Variants in POLD3 observed in about 807,000 individuals in gnomAD.
POLD3 encodes DNA polymerase delta 3, accessory subunit, also known as DNA polymerase delta subunit 3.
POLD3 carries 19 observed loss-of-function variants against 58.2 expected under a neutral mutation model. The ratio of observed to expected loss-of-function variants is 0.33; its 90% CI spans 0.23 to 0.48. The LOEUF (loss-of-function observed/expected upper bound fraction) is 0.48, where lower values mean the gene tolerates loss of function less well. Ranked by LOEUF, POLD3 falls within the 20% of genes least tolerant of loss-of-function variation. The pLI, the probability that POLD3 is intolerant of heterozygous loss-of-function variation, is 0.99. For synonymous variants in POLD3, 172 were observed against 193.5 expected, an observed-to-expected ratio of 0.89 and a Z score of 0.92; for missense variants, 504 against 545.5, an observed-to-expected ratio of 0.92 and a Z score of 0.76.
chr11:74,617,073 C>G (rs542648019), intron 5 of POLD3, among the ~76,000 whole-genome samples: 31 of 152,228 alleles, frequency 2.0e-4, no homozygotes, highest in African/African-American at 7.5e-4. Context: ...ATAAGCAAGA[C>G]TGGGAAAAAT....
intron 11 of POLD3, among the ~76,000 whole-genome samples, chr11:74,639,710 G>A (rs2032858600): frequency 6.6e-6 from 1 of 152,240 alleles, no homozygotes; most frequent in African/African-American, 2.4e-5. Context: ...GTCCTTTGGG[G>A]CTTGCTCATA....
At position 74,655,088 on chromosome 11, in the gene POLD3, G is replaced by A. The variant is rs186576624; in HGVS notation, c.370-13689G>A. ...CCAACAGAAAGGAAATGCCGAGGCAGACTTGTGAACTGCCTGAATTTTTAT... is the reference window on the plus strand; with the variant it reads ...CCAACAGAAAGGAAATGCCGAGGCAAACTTGTGAACTGCCTGAATTTTTAT... On this transcript the variant is annotated intron_variant, in intron 4 of 4. Coordinates refer to the POLD3 transcript ENST00000524752. Among the ~76,000 whole-genome samples, 145 of 152,360 alleles carry A rather than the reference G, an allele frequency of 9.5e-4. 1 individual carries two copies. The highest frequency in any genetic ancestry group is 3.3e-3 in the African/African-American group (138 of 41,578).
chr11:74,610,032 CGGTCAAAG>C (rs2031853225), intron 3 of POLD3, among the ~76,000 whole-genome samples: 1 of 152,118 alleles, frequency 6.6e-6, no homozygotes, highest in Non-Finnish European at 1.5e-5. Context: ...TAGGATTGCT[CGGTCAAAG>C]GGTGAGTGCA....
chr11:74,617,424 C>T (rs1168181151), intron 5 of POLD3, among the ~76,000 whole-genome samples: 1 of 152,130 alleles, frequency 6.6e-6, no homozygotes, highest in African/African-American at 2.4e-5. Context: ...CATTTTGAGA[C>T]AGAGTATTGC....
At chr11:74,652,056 C>CT (rs1721066374) in intron 4 of POLD3, among the ~76,000 whole-genome samples, 1 of 152,142 alleles carries the variant, frequency 6.6e-6, no homozygotes, top group Non-Finnish European at 1.5e-5. Context: ...AACTTGATCT[C>CT]TAAAATTTTA....
chr11:74,653,227 A>G (rs2033089817), intron 4 of POLD3, among the ~76,000 whole-genome samples: 1 of 152,184 alleles, frequency 6.6e-6, no homozygotes, highest in Non-Finnish European at 1.5e-5. Flanking sequence ...ACTTAACATC[A>G]TAATATTCAG....
At chr11:74,613,745 A>G (rs751890757) in intron 5 of POLD3, among the ~76,000 whole-genome samples, 3 of 152,232 alleles carry the variant, frequency 2.0e-5, no homozygotes, top group Non-Finnish European at 4.4e-5. Context: ...ATGAGTACCT[A>G]TGACATACCA....
chr11:74,666,773 A>G (rs1214835889), intron 4 of POLD3, among the ~76,000 whole-genome samples: 7 of 152,184 alleles, frequency 4.6e-5, no homozygotes, highest in Admixed American at 1.3e-4. Flanking sequence ...GACCAAGAAC[A>G]GTCAAGACAA....
At chr11:74,600,622 A>G (rs34060848) in intron 2 of POLD3, among the ~76,000 whole-genome samples, 20,915 of 151,544 alleles carry the variant, frequency 0.14, 1,754 homozygotes, top group Admixed American at 0.26. Flanking sequence ...CGACAGAGCG[A>G]TACTCTATCT....
intron 2 of POLD3, among the ~76,000 whole-genome samples, chr11:74,601,743 C>T (rs34601749): frequency 0.064 from 9,766 of 152,144 alleles, 387 homozygotes; most frequent in South Asian, 0.18. Flanking sequence ...AGCTGCGCCA[C>T]TGCACTTCAG....
chr11:74,618,666 C>G lies in POLD3; in HGVS notation c.522C>G (p.Thr174=), dbSNP rs1438634728. 1 of 1,614,010 alleles carries G rather than the reference C, an allele frequency of 6.2e-7. No homozygotes were observed. The highest frequency in any genetic ancestry group is 1.7e-5 in the Admixed American group (1 of 60,024). Residue 174 remains threonine, a synonymous_variant, in exon 6 of 12, where the codon ACC becomes ACG. Transcript: ENST00000263681. Reference sequence around the variant, plus strand: ...CACAAGCCAACAATGAGCTGACCACCAATGGTCATGGCCCACCTGCATCCA... The same window carrying G: ...CACAAGCCAACAATGAGCTGACCACGAATGGTCATGGCCCACCTGCATCCA... ...SETQANNELT[T]NGHGPPASKQ...
chr11:74,611,779 A>G (rs2031920965), intron 4 of POLD3, among the ~76,000 whole-genome samples: 1 of 152,158 alleles, frequency 6.6e-6, no homozygotes, highest in Non-Finnish European at 1.5e-5. Context: ...GAATTTCAAA[A>G]CTCGTGACAC....
Position 74,642,346 on chromosome 11 carries a change from G to A in POLD3, c.*1580G>A. Reference sequence around the variant, plus strand: ...TAAAAGGAAAAAGGATGGAGAGAAGGATGGAAAGCCTGGACTTAAACCTTT... The same window carrying A: ...TAAAAGGAAAAAGGATGGAGAGAAGAATGGAAAGCCTGGACTTAAACCTTT... On this transcript the variant is annotated 3_prime_UTR_variant, in exon 12 of 12. Coordinates refer to ENST00000263681, the MANE Select transcript of POLD3 (RefSeq NM_006591.3). The A allele has an allele frequency of 4.1e-6, 4 of 985,374 alleles. No homozygotes were observed. Among genetic ancestry groups the A allele is most frequent in the Non-Finnish European group, 4.8e-6 (4 of 829,876 alleles). The allele number at this position is 985,374 out of a possible 1,614,324, so 61.0% of individuals were successfully genotyped here.
intron 5 of POLD3, among the ~76,000 whole-genome samples, chr11:74,614,304 C>CTGT (rs1167797472): frequency 6.6e-6 from 1 of 152,168 alleles, no homozygotes; most frequent in African/African-American, 2.4e-5. Flanking sequence ...GAGGCAAGGC[C>CTGT]ATCAGGGAGG....
At chr11:74,657,206 T>G (rs977645502) in intron 4 of POLD3, among the ~76,000 whole-genome samples, 4 of 152,092 alleles carry the variant, frequency 2.6e-5, no homozygotes, top group African/African-American at 9.7e-5. Flanking sequence ...CAATAGATTA[T>G]TGTGTCTTTT....
At chr11:74,634,816 T>A in intron 10 of POLD3, 121 bp downstream of exon 10, 1 of 647,486 alleles carries the variant, frequency 1.5e-6, no homozygotes, top group Non-Finnish European at 2.8e-6. Flanking sequence ...ATGGCTCTTG[T>A]CTCATTCTGC....
chr11:74,629,830 C>T (rs1187466431), intron 9 of POLD3, among the ~76,000 whole-genome samples: 3 of 151,790 alleles, frequency 2.0e-5, no homozygotes, highest in South Asian at 2.1e-4. Context: ...AGAGTTTTAC[C>T]GGGAACATTA....
chr11:74,629,611 A>G (rs1410140026), intron 9 of POLD3, among the ~76,000 whole-genome samples: 1 of 148,460 alleles, frequency 6.7e-6, no homozygotes, highest in Non-Finnish European at 1.5e-5. Flanking sequence ...TTTTAAGGGG[A>G]GGATATTCCT....
intron 7 of POLD3, among the ~76,000 whole-genome samples, chr11:74,621,193 C>T (rs368445241): frequency 1.3e-4 from 20 of 152,130 alleles, no homozygotes; most frequent in African/African-American, 3.1e-4. Flanking sequence ...TCTTGGGAAC[C>T]GGGTGGCACA....
Sources: gnomAD v4.1 joint callset for allele counts (sites outside exome capture counted in the v4.1 genomes callset) on GRCh38, gnomAD v4.1.1 for gene constraint, MANE v1.5 for transcripts, NCBI Gene and HGNC (gene_info 2026-07-23, HGNC 2026-07-21) for gene names.